Variants in MGAT4C observed in about 807,000 individuals in gnomAD.
The protein encoded by MGAT4C is alpha-1,3-mannosyl-glycoprotein 4-beta-N-acetylglucosaminyltransferase C.
MGAT4C carries 19 observed loss-of-function variants against 40.1 expected under a neutral mutation model. The observed-to-expected ratio is 0.47, with a 90% CI of 0.33 to 0.70. The LOEUF (loss-of-function observed/expected upper bound fraction) is 0.70, where lower values mean the gene tolerates loss of function less well. MGAT4C is among the 30% of genes least tolerant of loss of function. The pLI, the probability that MGAT4C is intolerant of heterozygous loss-of-function variation, is 0.02. For synonymous variants in MGAT4C, 181 were observed against 187.1 expected (o/e 0.97, Z 0.27); for missense variants, 491 against 563.2 (o/e 0.87, Z 1.30).
chr12:86,255,511 A>G (rs1183611170), intron 1 of MGAT4C, among the ~76,000 whole-genome samples: 1 of 152,128 alleles, frequency 6.6e-6, no homozygotes, highest in Non-Finnish European at 1.5e-5. Context: ...TGATTAAATA[A>G]TATAAAGATA....
At chr12:86,350,951 T>C (rs1288251888) in intron 3 of MGAT4C, among the ~76,000 whole-genome samples, 1 of 151,842 alleles carries the variant, frequency 6.6e-6, no homozygotes, top group Non-Finnish European at 1.5e-5. Flanking sequence ...GTTTTTTTAA[T>C]TTTCTTTTTT....
intron 2 of MGAT4C, among the ~76,000 whole-genome samples, chr12:86,669,070 C>G (rs1964187155): frequency 6.6e-6 from 1 of 152,162 alleles, no homozygotes; most frequent in Admixed American, 6.5e-5. Flanking sequence ...GCCACACCAC[C>G]TTTCCTGTGC....
chr12:86,206,828 A>G (rs961472545), intron 1 of MGAT4C, among the ~76,000 whole-genome samples: 1 of 152,188 alleles, frequency 6.6e-6, no homozygotes, highest in Non-Finnish European at 1.5e-5. Flanking sequence ...CTCTGGCAGC[A>G]CACTCCTAAA....
At chr12:86,660,919 T>C (rs1040658321) in intron 2 of MGAT4C, among the ~76,000 whole-genome samples, 1 of 152,184 alleles carries the variant, frequency 6.6e-6, no homozygotes, top group Non-Finnish European at 1.5e-5. Flanking sequence ...ATGTAAGCTG[T>C]CAGGAAGCAA....
chr12:86,639,550 C>T (rs1466533585), intron 2 of MGAT4C, among the ~76,000 whole-genome samples: 5 of 151,730 alleles, frequency 3.3e-5, no homozygotes, highest in Non-Finnish European at 5.9e-5. Flanking sequence ...AGAAAAAATA[C>T]ATTTATTTGA....
chr12:86,431,816 C>G (rs1433114989), intron 3 of MGAT4C, among the ~76,000 whole-genome samples: 1 of 152,100 alleles, frequency 6.6e-6, no homozygotes, highest in Admixed American at 6.6e-5. Flanking sequence ...ATTGTACACT[C>G]AAAAGTTTCA....
chr12:86,175,818 A>T (rs2135847702), intron 1 of MGAT4C, among the ~76,000 whole-genome samples: 2 of 147,426 alleles, frequency 1.4e-5, no homozygotes, highest in South Asian at 2.1e-4. Flanking sequence ...AAAAAAAAAA[A>T]AAATTAGCCT....
chr12:86,265,811 T>A (rs942586874), intron 4 of MGAT4C, among the ~76,000 whole-genome samples: 1 of 152,232 alleles, frequency 6.6e-6, no homozygotes, highest in African/African-American at 2.4e-5. Context: ...ATTTGTGTCA[T>A]CTACAATTTC....
At chr12:86,211,073 A>T (rs182771058) in intron 1 of MGAT4C, among the ~76,000 whole-genome samples, 24 of 152,000 alleles carry the variant, frequency 1.6e-4, no homozygotes, top group Admixed American at 3.3e-4. Flanking sequence ...ACATGGTAGT[A>T]TATACCTGTT....
chr12:86,200,775 A>G (rs777525847), intron 1 of MGAT4C, among the ~76,000 whole-genome samples: 14 of 152,178 alleles, frequency 9.2e-5, no homozygotes, highest in Non-Finnish European at 1.5e-4. Context: ...AAAATCCCCA[A>G]TGTGACTGTA....
chr12:86,320,911 A>T (rs1239643656), intron 4 of MGAT4C, among the ~76,000 whole-genome samples: 1 of 152,102 alleles, frequency 6.6e-6, no homozygotes, highest in Admixed American at 6.5e-5. Context: ...CATTTTTCTT[A>T]ATGGATCAAA....
intron 2 of MGAT4C, among the ~76,000 whole-genome samples, chr12:86,017,915 T>C (rs1263497990): frequency 6.6e-6 from 1 of 152,180 alleles, no homozygotes; most frequent in Non-Finnish European, 1.5e-5. Context: ...GGGAAGATAG[T>C]GTGTGGGAAC....
chr12:86,582,263 T>C (rs1036347823), intron 2 of MGAT4C, among the ~76,000 whole-genome samples: 2 of 151,392 alleles, frequency 1.3e-5, no homozygotes, highest in African/African-American at 2.4e-5. Flanking sequence ...GGAGACTGTT[T>C]ATAATTTTTT....
intron 2 of MGAT4C, among the ~76,000 whole-genome samples, chr12:86,502,457 T>G (rs969107368): frequency 6.6e-6 from 1 of 151,826 alleles, no homozygotes; most frequent in Admixed American, 6.6e-5. Context: ...TCAAAATCCA[T>G]AGAGCTGCAC....
At chr12:86,491,281 C>T (rs1006006737) in intron 2 of MGAT4C, among the ~76,000 whole-genome samples, 5 of 152,022 alleles carry the variant, frequency 3.3e-5, no homozygotes, top group African/African-American at 9.7e-5. Flanking sequence ...GGGAATCATC[C>T]CTAACTCATT....
intron 1 of MGAT4C, among the ~76,000 whole-genome samples, chr12:86,777,297 T>C (rs1038494657): frequency 6.6e-6 from 1 of 152,194 alleles, no homozygotes; most frequent in African/African-American, 2.4e-5. Context: ...ATATTTACCA[T>C]GGTTACAAAA....
rs1884512610 is a variant in MGAT4C at position 86,153,218 on chromosome 12, T to A, written c.-57+103021A>T. Among the ~76,000 whole-genome samples the A allele has an allele frequency of 2.0e-5, 3 of 152,204 alleles. No homozygotes were observed. In the South Asian group the frequency reaches 6.2e-4, roughly 32 times the overall value. ...ACCCAACAAGTACATGGCCTCTAATTCTCCTACTCCTGGAGGAAATCTCTT... is the reference window on the plus strand; with the variant it reads ...ACCCAACAAGTACATGGCCTCTAATACTCCTACTCCTGGAGGAAATCTCTT... On this transcript the variant is annotated intron_variant, in intron 1 of 4. Transcript: ENST00000611864.
At chr12:86,705,291 C>T (rs1469664762) in intron 2 of MGAT4C, among the ~76,000 whole-genome samples, 2 of 151,798 alleles carry the variant, frequency 1.3e-5, no homozygotes, top group African/African-American at 4.8e-5. Flanking sequence ...ATCCATTTCC[C>T]TCAAATGCTT....
chr12:86,380,798 G>A (rs997783976), intron 3 of MGAT4C, among the ~76,000 whole-genome samples: 2 of 152,078 alleles, frequency 1.3e-5, no homozygotes, highest in Non-Finnish European at 2.9e-5. Flanking sequence ...ACAATCCCAA[G>A]CCCATAATCC....
Sources: allele counts gnomAD v4.1 joint callset (sites outside exome capture counted in the v4.1 genomes callset), GRCh38; gene constraint gnomAD v4.1.1; transcripts MANE v1.5; gene names NCBI Gene and HGNC (gene_info 2026-07-23, HGNC 2026-07-21).